Variants in COL24A1 observed in about 807,000 individuals in gnomAD.
The protein encoded by COL24A1 is collagen type XXIV alpha 1 chain, also known as collagen alpha-1(XXIV) chain.
A neutral mutation model predicts 253.9 loss-of-function variants in COL24A1; 224 were observed. The ratio of observed to expected loss-of-function variants is 0.88; its 90% CI spans 0.79 to 0.99. The LOEUF (loss-of-function observed/expected upper bound fraction) is 0.99, where lower values mean the gene tolerates loss of function less well. COL24A1 is among the 50% of genes least tolerant of loss of function. The pLI is 0.00. For synonymous variants in COL24A1, 685 were observed against 673.7 expected, an observed-to-expected ratio of 1.02 and a Z score of -0.26; for missense variants, 2,131 against 2,068.5, an observed-to-expected ratio of 1.03 and a Z score of -0.59.
intron 47 of COL24A1, among the ~76,000 whole-genome samples, chr1:85,815,758 A>G (rs1484681681): frequency 1.3e-5 from 2 of 152,120 alleles, no homozygotes; most frequent in African/African-American, 2.4e-5. Context: ...ATATCCAAAT[A>G]GCAGAAATTT....
intron 52 of COL24A1, among the ~76,000 whole-genome samples, chr1:85,777,038 C>T (rs758425769): frequency 6.6e-6 from 1 of 151,918 alleles, no homozygotes; most frequent in African/African-American, 2.4e-5. Flanking sequence ...CAACCTCCAC[C>T]TCCTGGGTTC....
At chr1:86,093,622 A>G (rs1211023775) in intron 5 of COL24A1, among the ~76,000 whole-genome samples, 2 of 152,172 alleles carry the variant, frequency 1.3e-5, no homozygotes, top group Non-Finnish European at 2.9e-5. Flanking sequence ...ATCGCAAAAA[A>G]ACAAAAATTG....
intron 5 of COL24A1, among the ~76,000 whole-genome samples, chr1:86,092,807 A>G (rs188815905): frequency 6.6e-6 from 1 of 152,126 alleles, no homozygotes; most frequent in Admixed American, 6.5e-5. Flanking sequence ...AACATAAAAA[A>G]GATACCTCTA....
At chr1:86,140,114 C>T (rs4912465) in intron 2 of COL24A1, among the ~76,000 whole-genome samples, 67,410 of 152,082 alleles carry the variant, frequency 0.44, 16,974 homozygotes, top group Non-Finnish European at 0.57. Context: ...GTAACAGGCA[C>T]TGTGCTAAGC....
rs1395205406 is a variant in COL24A1, at chr1:85,876,256, C to T, written c.3030+866G>A. 2.0e-5 allele frequency among the ~76,000 whole-genome samples: 3 copies of T among 152,054 alleles called. No homozygotes were observed. The East Asian group carries it at 5.8e-4, about 30-fold the overall frequency. The stretch of plus-strand genomic sequence containing the variant: ...AAGGGTAGATTTAAGAGAGAATGGG[C>T]AGGGGCAGGCCTATTCAAAAGGAAA... On this transcript the variant is annotated intron_variant, in intron 33 of 59. Transcript: ENST00000370571.
rs1428849315 is a variant in COL24A1 at position 85,781,328 on chromosome 1, A to G, written c.4285-55T>C. 31 of 1,193,774 alleles carry G rather than the reference A, an allele frequency of 2.6e-5. No homozygotes were observed. In the East Asian group the frequency reaches 7.3e-4, roughly 28 times the overall value. The allele number at this position is 1,193,774 out of a possible 1,614,324, so 73.9% of individuals were successfully genotyped here. On this transcript the variant is annotated intron_variant, in intron 51 of 59. Transcript: ENST00000370571. ...TGTTAGTATAATTAAAAAAAAAAAA[A>G]CTCCACAGAATCTCTTGTACAATGG...
intron 32 of COL24A1, among the ~76,000 whole-genome samples, chr1:85,889,329 T>G (rs947552873): frequency 5.3e-5 from 8 of 152,018 alleles, no homozygotes; most frequent in Non-Finnish European, 1.2e-4. Context: ...TTGTTGAAAA[T>G]AGAAATATGC....
chr1:85,822,882 G>C (rs1165781288), intron 45 of COL24A1, among the ~76,000 whole-genome samples: 2 of 152,078 alleles, frequency 1.3e-5, no homozygotes, highest in Admixed American at 6.6e-5. Context: ...GTTGATGTCT[G>C]GTCACCTTGG....
intron 32 of COL24A1, among the ~76,000 whole-genome samples, chr1:85,882,282 G>A (rs906233458): frequency 6.6e-6 from 1 of 151,956 alleles, no homozygotes; most frequent in South Asian, 2.1e-4. Flanking sequence ...TCGAGACCAC[G>A]GTGAAACCCG....
chr1:86,125,377 C>T lies in COL24A1; in HGVS notation c.959G>A (p.Gly320Glu). 1.9e-6 allele frequency: 3 copies of T among 1,613,608 alleles called. No homozygotes were observed. The highest frequency in any genetic ancestry group is 2.5e-6 in the Non-Finnish European group (3 of 1,179,806). Residue 320 changes from glycine to glutamate, a missense_variant, in exon 3 of 60, where the codon GGA (glycine) becomes GAA (glutamate). Transcript: ENST00000370571. The part of the protein sequence containing the change: ...SRSQLSSLQS[G>E]NVSAVDLTNH... ...TGTGAGATCCACAGCAGAGACATTT[C>T]CTGACTGAAGAGAAGATAACTGAGA...
chr1:86,113,442 T>A, intron 4 of COL24A1, among the ~76,000 whole-genome samples: 1 of 152,216 alleles, frequency 6.6e-6, no homozygotes, highest in South Asian at 2.1e-4. Flanking sequence ...TTTGTCTTTT[T>A]AATTCTGAAT....
chr1:86,023,085 TAATG>T, intron 14 of COL24A1, 78 bp from the exon 15 acceptor site: 2 of 1,399,668 alleles, frequency 1.4e-6, no homozygotes, highest in Non-Finnish European at 2.0e-6. Context: ...ATTAATAAAT[TAATG>T]AACCCAAAAC....
At chr1:85,774,644 C>G (rs1415078302) in intron 53 of COL24A1, among the ~76,000 whole-genome samples, 3 of 152,142 alleles carry the variant, frequency 2.0e-5, no homozygotes, top group African/African-American at 7.2e-5. Context: ...TTTAGATTTT[C>G]TAGTTTATTT....
chr1:85,762,148 T>C (rs1272814425), intron 53 of COL24A1, among the ~76,000 whole-genome samples: 1 of 152,170 alleles, frequency 6.6e-6, no homozygotes, highest in Non-Finnish European at 1.5e-5. Flanking sequence ...ATAATTACTG[T>C]TAAAAATGCT....
intron 57 of COL24A1, among the ~76,000 whole-genome samples, chr1:85,738,230 A>G (rs1475204180): frequency 6.6e-6 from 1 of 152,216 alleles, no homozygotes; most frequent in Non-Finnish European, 1.5e-5. Flanking sequence ...TCAAACGAAC[A>G]TTTTGTTTTA....
chr1:85,897,700 C>G (rs937198350), intron 28 of COL24A1, among the ~76,000 whole-genome samples: 2 of 152,142 alleles, frequency 1.3e-5, no homozygotes, highest in Non-Finnish European at 2.9e-5. Context: ...TTTGGAAGAT[C>G]TTAAAGTCCT....
intron 5 of COL24A1, among the ~76,000 whole-genome samples, chr1:86,110,675 T>C (rs930780467): frequency 3.9e-4 from 59 of 152,198 alleles, no homozygotes; most frequent in African/African-American, 1.3e-3. Context: ...AGTGAGGGGC[T>C]TAGCACCCAG....
At chr1:85,899,284 C>A (rs971251798) in intron 28 of COL24A1, among the ~76,000 whole-genome samples, 1 of 152,086 alleles carries the variant, frequency 6.6e-6, no homozygotes, top group Non-Finnish European at 1.5e-5. Context: ...TTCTAAAATA[C>A]TATAAAAAAC....
chr1:85,883,215 A>T (rs1377272241), intron 32 of COL24A1, among the ~76,000 whole-genome samples: 2 of 136,236 alleles, frequency 1.5e-5, no homozygotes, highest in African/African-American at 2.7e-5. Flanking sequence ...TTTTATTTTA[A>T]TTTTTATGTC....
Sources: allele counts gnomAD v4.1 joint callset (sites outside exome capture counted in the v4.1 genomes callset), GRCh38; gene constraint gnomAD v4.1.1; transcripts MANE v1.5; gene names NCBI Gene and HGNC (gene_info 2026-07-23, HGNC 2026-07-21).